The following NRXN1 variants were observed in gnomAD, a reference collection of about 807,000 sequenced individuals.
NRXN1 encodes neurexin 1, also known as neurexin-1.
NRXN1 carries 39 observed loss-of-function variants against 150.9 expected under a neutral mutation model. The observed-to-expected ratio is 0.26, with a 90% CI of 0.20 to 0.34. The LOEUF is 0.34. Among genes scored for constraint, NRXN1 ranks in the 10% least tolerant of loss-of-function variants. The pLI is 1.00. For missense variants in NRXN1, 1,815 were observed against 1,949.9 expected (o/e 0.93, Z 1.30); for synonymous variants, 924 against 757.0 (o/e 1.22, Z -3.62).
At chr2:50,484,893 A>G (rs1385892012) in intron 15 of NRXN1, among the ~76,000 whole-genome samples, 1 of 152,194 alleles carries the variant, frequency 6.6e-6, no homozygotes, top group East Asian at 1.9e-4. Context: ...AAAGTGTTTT[A>G]TTTTATGATA....
chr2:50,433,352 G>A (rs1343858677), intron 17 of NRXN1, among the ~76,000 whole-genome samples: 1 of 152,094 alleles, frequency 6.6e-6, no homozygotes, highest in Non-Finnish European at 1.5e-5. Flanking sequence ...ATATATGAGT[G>A]CATGTTTAAA....
intron 2 of NRXN1, among the ~76,000 whole-genome samples, chr2:50,964,821 G>A (rs919814492): frequency 1.1e-4 from 17 of 151,352 alleles, no homozygotes; most frequent in African/African-American, 3.1e-4. Flanking sequence ...CTTCCATTAA[G>A]TCATTTAAGA....
At chr2:50,686,410 A>G (rs567721113) in intron 5 of NRXN1, among the ~76,000 whole-genome samples, 1 of 152,232 alleles carries the variant, frequency 6.6e-6, no homozygotes, top group South Asian at 2.1e-4. Flanking sequence ...CTTTGGAGGG[A>G]AATAATAATA....
At chr2:50,189,548 A>G (rs1447604860) in intron 18 of NRXN1, among the ~76,000 whole-genome samples, 3 of 152,164 alleles carry the variant, frequency 2.0e-5, no homozygotes, top group Admixed American at 1.3e-4. Context: ...ATGAAAATCA[A>G]AGTATTTCTT....
intron 17 of NRXN1, among the ~76,000 whole-genome samples, chr2:50,251,042 A>G (rs1168444422): frequency 6.6e-6 from 1 of 151,584 alleles, no homozygotes. Flanking sequence ...TAATAAATTT[A>G]TTACATGTTG....
chr2:49,978,872 A>G (rs1475928534), intron 21 of NRXN1, among the ~76,000 whole-genome samples: 1 of 152,202 alleles, frequency 6.6e-6, no homozygotes, highest in Non-Finnish European at 1.5e-5. Context: ...TTTAATGTAG[A>G]GAGGTTAAAT....
intron 22 of NRXN1, among the ~76,000 whole-genome samples, chr2:49,930,285 C>G (rs1669890658): frequency 6.6e-6 from 1 of 151,986 alleles, no homozygotes; most frequent in Non-Finnish European, 1.5e-5. Flanking sequence ...TTTTATGTGG[C>G]AAAAGCCATA....
rs538312330 is a variant in NRXN1 at position 50,319,937 on chromosome 2, T to C, written c.3365-82967A>G. ...TTTCAGTCTTATTAGAAATAGGACA[T>C]GCTCACTTTGGCAAGACATGGCTCC... On this transcript the variant is annotated intron_variant, in intron 17 of 22. Transcript: ENST00000401669. Among the ~76,000 whole-genome samples, 4 of 152,172 alleles carry C rather than the reference T, an allele frequency of 2.6e-5. No homozygotes were observed. In the South Asian group the frequency reaches 8.3e-4, roughly 32 times the overall value.
chr2:50,565,648 A>AT (rs936088329), intron 8 of NRXN1, among the ~76,000 whole-genome samples: 23 of 151,596 alleles, frequency 1.5e-4, no homozygotes, highest in South Asian at 4.2e-4. Flanking sequence ...AATGGAAAAT[A>AT]TTTTTTTTTA....
intron 18 of NRXN1, among the ~76,000 whole-genome samples, chr2:50,224,729 G>A (rs1008616443): frequency 1.7e-5 from 2 of 118,976 alleles, no homozygotes; most frequent in African/African-American, 6.7e-5. Context: ...GAGAGAGAGA[G>A]AGAGAATGGT....
intron 18 of NRXN1, among the ~76,000 whole-genome samples, chr2:50,206,202 A>G (rs542070956): frequency 4.0e-5 from 6 of 148,894 alleles, no homozygotes; most frequent in Non-Finnish European, 8.9e-5. Flanking sequence ...ATACAGTACA[A>G]TAAGTTATAC....
At chr2:50,340,354 C>G (rs1433080918) in intron 17 of NRXN1, among the ~76,000 whole-genome samples, 1 of 152,032 alleles carries the variant, frequency 6.6e-6, no homozygotes, top group Admixed American at 6.6e-5. Context: ...ATTCTACACC[C>G]TACATAGACC....
At chr2:50,879,066 C>T (rs1480889301) in intron 5 of NRXN1, among the ~76,000 whole-genome samples, 4 of 151,904 alleles carry the variant, frequency 2.6e-5, no homozygotes, top group Non-Finnish European at 4.4e-5. Context: ...TAACTGGCAT[C>T]TAAATCAGTT....
At chr2:49,956,159 A>AT (rs1292887054) in intron 21 of NRXN1, among the ~76,000 whole-genome samples, 1 of 152,138 alleles carries the variant, frequency 6.6e-6, no homozygotes, top group African/African-American at 2.4e-5. Context: ...GTCAGAAATG[A>AT]TTCCAGCCAG....
intron 17 of NRXN1, among the ~76,000 whole-genome samples, chr2:50,255,086 G>C (rs1253527340): frequency 3.3e-5 from 5 of 152,046 alleles, no homozygotes; most frequent in African/African-American, 1.2e-4. Context: ...GGTATTACAG[G>C]TATAAGTCAC....
intron 5 of NRXN1, among the ~76,000 whole-genome samples, chr2:50,903,348 G>A (rs1238055747): frequency 6.6e-6 from 1 of 152,068 alleles, no homozygotes; most frequent in East Asian, 1.9e-4. Context: ...TACTGAAGCT[G>A]AATTCAATCT....
chr2:50,517,663 A>G (rs1427822739), intron 12 of NRXN1, among the ~76,000 whole-genome samples: 2 of 152,146 alleles, frequency 1.3e-5, no homozygotes, highest in African/African-American at 4.8e-5. Context: ...AATAAACTTC[A>G]TGATGCATAC....
intron 17 of NRXN1, among the ~76,000 whole-genome samples, chr2:50,257,256 G>A (rs542953667): frequency 2.8e-4 from 43 of 151,960 alleles, no homozygotes; most frequent in Non-Finnish European, 5.4e-4. Flanking sequence ...GTAAACTGAG[G>A]TTACCTACCC....
intron 17 of NRXN1, among the ~76,000 whole-genome samples, chr2:50,334,192 A>ATTTTATAC (rs1553457970): frequency 7.6e-5 from 9 of 118,892 alleles, no homozygotes; most frequent in African/African-American, 3.9e-4. Context: ...ACCAGGACCA[A>ATTTTATAC]ATATATATAT....
Sources: gnomAD v4.1 joint callset for allele counts (sites outside exome capture counted in the v4.1 genomes callset) on GRCh38, gnomAD v4.1.1 for gene constraint, MANE v1.5 for transcripts, NCBI Gene and HGNC (gene_info 2026-07-23, HGNC 2026-07-21) for gene names.